COL11A1: variants seen among roughly 807,000 people sequenced by gnomAD.
The protein encoded by COL11A1 is collagen type XI alpha 1 chain, also known as collagen alpha-1(XI) chain.
COL11A1 carries 74 observed loss-of-function variants against 265.2 expected under a neutral mutation model. The observed-to-expected ratio is 0.28, with a 90% CI of 0.23 to 0.34. COL11A1 has a LOEUF of 0.34. Ranked by LOEUF, COL11A1 falls within the 10% of genes least tolerant of loss-of-function variation. The probability of loss-of-function intolerance (pLI) is 1.00; values close to 1 mark genes in which losing one functional copy is unlikely to be tolerated. For synonymous variants in COL11A1, 816 were observed against 727.6 expected (o/e 1.12, Z -1.96); for missense variants, 2,165 against 2,263.6 (o/e 0.96, Z 0.88).
chr1:103,025,282 G>T (rs1215000629), intron 7 of COL11A1, among the ~76,000 whole-genome samples: 3 of 152,164 alleles, frequency 2.0e-5, no homozygotes, highest in Non-Finnish European at 4.4e-5. Context: ...GGCCAATTCA[G>T]TTTGATCAAT....
At chr1:102,990,482 C>T (rs557272589) in intron 28 of COL11A1, among the ~76,000 whole-genome samples, 3 of 151,866 alleles carry the variant, frequency 2.0e-5, no homozygotes, top group Admixed American at 6.6e-5. Flanking sequence ...TAGCACTATA[C>T]ACACAGAGCA....
At chr1:102,932,558 C>T (rs1455021678) in intron 46 of COL11A1, among the ~76,000 whole-genome samples, 1 of 152,100 alleles carries the variant, frequency 6.6e-6, no homozygotes, top group East Asian at 1.9e-4. Context: ...GTGAATCTGA[C>T]AATTATGTGT....
At chr1:102,992,394 A>C (rs1364639145) in intron 28 of COL11A1, among the ~76,000 whole-genome samples, 1 of 152,092 alleles carries the variant, frequency 6.6e-6, no homozygotes, top group Non-Finnish European at 1.5e-5. Context: ...TAAGGCTAAA[A>C]AAGAGAGAAT....
intron 17 of COL11A1, 79 bp from the exon 18 acceptor site, chr1:103,005,970 A>G: frequency 6.2e-7 from 1 of 1,612,334 alleles, no homozygotes; most frequent in South Asian, 1.1e-5. Flanking sequence ...TTTAAATGCG[A>G]AATATTCTCT....
intron 57 of COL11A1, among the ~76,000 whole-genome samples, chr1:102,893,620 A>T (rs1042283453): frequency 6.6e-6 from 1 of 152,160 alleles, no homozygotes; most frequent in Admixed American, 6.5e-5. Flanking sequence ...GAAAACAGGG[A>T]TGATACATTC....
chr1:102,915,821 A>T, intron 49 of COL11A1, 137 bp from the exon 50 acceptor site: 1 of 701,962 alleles, frequency 1.4e-6, no homozygotes, highest in South Asian at 2.1e-5. Flanking sequence ...AACTTTAATA[A>T]CAAAAATAAA....
At chr1:103,015,587 C>T (rs1011016059) in intron 12 of COL11A1, 81 bp downstream of exon 12, 1 of 1,074,302 alleles carries the variant, frequency 9.3e-7, no homozygotes, top group African/African-American at 1.6e-5. Flanking sequence ...GTTGATTGCT[C>T]TTCAATATGG....
intron 49 of COL11A1, among the ~76,000 whole-genome samples, chr1:102,919,926 T>C (rs1217701826): frequency 6.6e-6 from 1 of 152,042 alleles, no homozygotes; most frequent in Non-Finnish European, 1.5e-5. Flanking sequence ...CTCTTCTATT[T>C]TGAGTACTAT....
intron 15 of COL11A1, among the ~76,000 whole-genome samples, chr1:103,007,036 T>C (rs943799585): frequency 6.6e-6 from 1 of 152,100 alleles, no homozygotes; most frequent in African/African-American, 2.4e-5. Flanking sequence ...ATTTCTCCTT[T>C]CATTGCGCTT....
rs956333773 is a variant in COL11A1 at position 102,938,944 on chromosome 1, A to C, written c.3438+91T>G. On this transcript the variant is annotated intron_variant, in intron 44 of 66. Transcript: ENST00000370096. ...ATTGGTATTATAAGTATTGGCTAGG[A>C]AAGTAAGTAGCACTATATAAAAATA... The C allele has an allele frequency of 3.3e-5, 36 of 1,084,198 alleles. No homozygotes were observed. The African/African-American group carries it at 4.6e-4, about 14-fold the overall frequency. 67.2% of individuals were successfully genotyped at this position (1,084,198 alleles called of 1,614,324 possible). A position where few individuals can be genotyped will look rare whatever the true frequency, so the allele number is the denominator to read the frequency against.
intron 58 of COL11A1, among the ~76,000 whole-genome samples, chr1:102,889,957 ACT>A (rs1219422919): frequency 1.3e-5 from 2 of 152,132 alleles, no homozygotes; most frequent in African/African-American, 2.4e-5. Context: ...CTCTTCAGAG[ACT>A]CTGCAGTCTT....
intron 44 of COL11A1, among the ~76,000 whole-genome samples, chr1:102,937,660 C>G (rs1461319869): frequency 1.3e-5 from 2 of 152,122 alleles, no homozygotes; most frequent in Non-Finnish European, 2.9e-5. Context: ...TTTGGTCCCT[C>G]CTTGTTCAGG....
Position 103,004,598 on chromosome 1 carries a change from A to C in COL11A1, c.1899+10T>G. ...TTAAATATTTCTTAAGAAAAGAAGTATTAACATACCCTCATTCCATCATCA... is the reference window on the plus strand; with the variant it reads ...TTAAATATTTCTTAAGAAAAGAAGTCTTAACATACCCTCATTCCATCATCA... On this transcript the variant is annotated intron_variant, in intron 19 of 66. Transcript: ENST00000370096. 1 of 1,605,838 alleles carries C rather than the reference A, an allele frequency of 6.2e-7. No homozygotes were observed. The highest frequency in any genetic ancestry group is 8.5e-7 in the Non-Finnish European group (1 of 1,175,416).
At chr1:102,897,993 A>G (rs956910825) in intron 57 of COL11A1, 132 bp downstream of exon 57, 8 of 417,548 alleles carry the variant, frequency 1.9e-5, no homozygotes, top group Non-Finnish European at 3.0e-5. Context: ...TCTAAGACAA[A>G]ATAATATACT....
At chr1:102,950,688 T>C (rs569043313) in intron 41 of COL11A1, among the ~76,000 whole-genome samples, 1 of 152,352 alleles carries the variant, frequency 6.6e-6, no homozygotes, top group East Asian at 1.9e-4. Flanking sequence ...TGGAAAGTCT[T>C]TGGTCTTTTC....
intron 1 of COL11A1, among the ~76,000 whole-genome samples, chr1:103,088,734 C>T (rs539755651): frequency 1.3e-5 from 2 of 152,230 alleles, no homozygotes; most frequent in South Asian, 4.1e-4. Flanking sequence ...AATAGGAGTT[C>T]CTCAGTGAAG....
At position 103,014,537 on chromosome 1, in the gene COL11A1, C is replaced by T; in HGVS notation, c.1546G>A (p.Ala516Thr). 1.2e-6 allele frequency: 2 copies of T among 1,613,730 alleles called. No homozygotes were observed. Among genetic ancestry groups the T allele is most frequent in the Non-Finnish European group, 8.5e-7 (1 of 1,179,754 alleles). The change falls in exon 13 of 67, where the codon GCT (alanine) becomes ACT (threonine). Residue 516 changes from alanine to threonine, a missense_variant. By Grantham distance (58) the Ala-to-Thr change is moderately conservative. Coordinates refer to ENST00000370096, the MANE Select transcript of COL11A1 (RefSeq NM_001854.4). Reference protein sequence around the residue: ...GPTISAQEAQAQAILQQARIA... With the variant: ...GPTISAQEAQTQAILQQARIA... The stretch of plus-strand genomic sequence containing the variant: ...CGAGCCTGCTGAAGAATAGCTTGAG[C>T]CTGAGCTTCCTGAGCAGAGATGGTT...
chr1:102,966,649 C>T (rs1052810650), intron 37 of COL11A1, among the ~76,000 whole-genome samples: 13 of 152,032 alleles, frequency 8.6e-5, no homozygotes, highest in Non-Finnish European at 7.4e-5. Context: ...GCATATTAGT[C>T]GCTTAATTTT....
intron 26 of COL11A1, among the ~76,000 whole-genome samples, chr1:102,996,276 C>A (rs1664619216): frequency 6.6e-6 from 1 of 151,778 alleles, no homozygotes; most frequent in Admixed American, 6.6e-5. Flanking sequence ...ACTAAAAATA[C>A]AATATTGAAA....
Sources: gnomAD v4.1 joint callset for allele counts (sites outside exome capture counted in the v4.1 genomes callset) on GRCh38, gnomAD v4.1.1 for gene constraint, MANE v1.5 for transcripts, NCBI Gene and HGNC (gene_info 2026-07-23, HGNC 2026-07-21) for gene names.